Variants in ABCA13 observed in about 807,000 individuals in gnomAD.
ABCA13 encodes ATP-binding cassette sub-family A member 13.
Under a neutral mutation model 478.7 loss-of-function variants are expected in ABCA13, and 476 were observed. The ratio of observed to expected loss-of-function variants is 0.99; its 90% CI spans 0.92 to 1.07. The LOEUF is 1.07. ABCA13 is among the 50% of genes least tolerant of loss of function. ABCA13 has a pLI of 0.00. For synonymous variants in ABCA13, 2,252 were observed against 2,158.9 expected, an observed-to-expected ratio of 1.04 and a Z score of -1.20; for missense variants, 6,060 against 5,910.6, an observed-to-expected ratio of 1.03 and a Z score of -0.83.
At position 48,427,871 on chromosome 7, in the gene ABCA13, T is replaced by G. The variant is rs1563240197; in HGVS notation, c.12565T>G (p.Cys4189Gly). The change falls in exon 42 of 62, where the codon TGT (cysteine) becomes GGT (glycine). Residue 4189 changes from cysteine (C) to glycine (G), a missense_variant and splice_region_variant. By Grantham distance (159) the Cys-to-Gly change is radical. Around this residue, in one of 3 missense-constraint regions of ABCA13, gnomAD observed 1,627 missense variants for 1,571.0 expected, o/e 1.04. Transcript: ENST00000435803. Reference sequence around the variant, plus strand: ...GCCTACAGGACATCTGTCTGGCTACTGTAAGTACAGAATGGCTTCCTGCAT... The same window carrying G: ...GCCTACAGGACATCTGTCTGGCTACGGTAAGTACAGAATGGCTTCCTGCAT... The part of the protein sequence containing the change: ...HRPTGHLSGY[C>G]GSLARPATVQ... 1 of 1,587,198 alleles carries G rather than the reference T, an allele frequency of 6.3e-7. No homozygotes were observed. The highest frequency in any genetic ancestry group is 1.4e-5 in the African/African-American group (1 of 73,520).
At chr7:48,255,040 T>C (rs1030927246) in intron 15 of ABCA13, among the ~76,000 whole-genome samples, 7 of 152,150 alleles carry the variant, frequency 4.6e-5, no homozygotes, top group African/African-American at 1.7e-4. Context: ...GCCTTAAAAA[T>C]CATTAAAAAT....
At position 48,279,795 on chromosome 7, in the gene ABCA13, G is replaced by C; in HGVS notation, c.8601G>C (p.Glu2867Asp). 6.2e-7 allele frequency: 1 copy of C among 1,604,500 alleles called. No homozygotes were observed. Among genetic ancestry groups the C allele is most frequent in the Non-Finnish European group, 8.5e-7 (1 of 1,177,416 alleles). ...TGKNVTSEKE[E>D]RTKKEMIDFP... ...AGAATGTCACATCAGAAAAAGAAGAGAGAACCAAGAAAGAGATGATTGACT... is the reference window on the plus strand; with the variant it reads ...AGAATGTCACATCAGAAAAAGAAGACAGAACCAAGAAAGAGATGATTGACT... Residue 2867 changes from glutamate (E) to aspartate (D), a missense_variant, in exon 18 of 62, where the codon GAG (glutamate) becomes GAC (aspartate). Coordinates refer to ENST00000435803, the MANE Select transcript of ABCA13 (RefSeq NM_152701.5).
rs965396830 is a variant in ABCA13, at chr7:48,189,540, A to G, written c.70-3419A>G. 7.2e-5 allele frequency among the ~76,000 whole-genome samples: 11 copies of G among 152,288 alleles called. No homozygotes were observed. In the East Asian group the frequency reaches 2.1e-3, roughly 29 times the overall value. ...GATGTTGTTTTTTAGGTTTAATTGGAATTCTGTTATTATTTCAAGATGCTT... is the reference window on the plus strand; with the variant it reads ...GATGTTGTTTTTTAGGTTTAATTGGGATTCTGTTATTATTTCAAGATGCTT... On this transcript the variant is annotated intron_variant, in intron 1 of 61. Coordinates refer to ENST00000435803, the MANE Select transcript of ABCA13 (RefSeq NM_152701.5).
intron 58 of ABCA13, among the ~76,000 whole-genome samples, chr7:48,604,861 T>C (rs1791305740): frequency 6.6e-6 from 1 of 152,208 alleles, no homozygotes; most frequent in Non-Finnish European, 1.5e-5. Flanking sequence ...TGTGGGAGTA[T>C]AAATCTCTTT....
intron 7 of ABCA13, among the ~76,000 whole-genome samples, chr7:48,230,619 T>C (rs977055476): frequency 1.3e-5 from 2 of 151,996 alleles, no homozygotes; most frequent in South Asian, 2.1e-4. Context: ...ACACATCCAT[T>C]CATCCATCCA....
At chr7:48,283,473 C>T (rs190226509) in intron 19 of ABCA13, among the ~76,000 whole-genome samples, 94 of 152,118 alleles carry the variant, frequency 6.2e-4, no homozygotes, top group African/African-American at 2.1e-3. Context: ...GTGAGACTTG[C>T]GTAGTGAGGA....
chr7:48,281,291 T>C, intron 18 of ABCA13, 52 bp from the exon 19 acceptor site: 2 of 1,447,626 alleles, frequency 1.4e-6, no homozygotes. Flanking sequence ...GAGATGCACA[T>C]GGGTTGCACA....
In ABCA13 at chr7:48,273,389, A is replaced by T; in HGVS notation, c.3723A>T (p.Ala1241=). Reference sequence around the variant, plus strand: ...ATTTTTTGGTAGCTTTAGGTAATGCATTAGTTTCAGTAAAAAAACTTAACT... The same window carrying T: ...ATTTTTTGGTAGCTTTAGGTAATGCTTTAGTTTCAGTAAAAAAACTTAACT... The part of the protein sequence containing the change: ...LRDFLVALGN[A]LVSVKKLNLE... Residue 1241 remains alanine (A), a synonymous_variant, in exon 17 of 62, where the codon GCA becomes GCT. Transcript: ENST00000435803. The T allele has an allele frequency of 6.2e-7, 1 of 1,613,646 alleles. No individual in the cohort carries two copies. The highest frequency in any genetic ancestry group is 8.5e-7 in the Non-Finnish European group (1 of 1,179,718).
chr7:48,301,326 G>A lies in ABCA13; in HGVS notation c.9321+2839G>A, dbSNP rs956140167. On this transcript the variant is annotated intron_variant, in intron 23 of 61. Transcript: ENST00000435803. ...ATCTCACTTGGGGCCGGTCCTGGGG[G>A]CTGGTTCTGTCGGTTGCGACATTAA... Among the ~76,000 whole-genome samples, 8 of 152,106 alleles carry A rather than the reference G, an allele frequency of 5.3e-5. No homozygotes were observed. In the East Asian group the frequency reaches 5.8e-4, roughly 11 times the overall value.
At chr7:48,212,091 T>C (rs901850519) in intron 3 of ABCA13, among the ~76,000 whole-genome samples, 1 of 152,150 alleles carries the variant, frequency 6.6e-6, no homozygotes, top group Non-Finnish European at 1.5e-5. Context: ...TATCAGCCTG[T>C]AGTGAGGCCA....
At chr7:48,238,453 A>C (rs577618268) in intron 8 of ABCA13, among the ~76,000 whole-genome samples, 2 of 149,886 alleles carry the variant, frequency 1.3e-5, no homozygotes, top group Non-Finnish European at 3.0e-5. Context: ...TGTTACAGGA[A>C]CTCTGTTGAA....
At chr7:48,292,669 G>T (rs909709413) in intron 20 of ABCA13, among the ~76,000 whole-genome samples, 2 of 152,162 alleles carry the variant, frequency 1.3e-5, no homozygotes, top group East Asian at 1.9e-4. Flanking sequence ...TGCTGCTCCC[G>T]CACCTGCAGT....
At chr7:48,264,569 T>A (rs1305527787) in intron 15 of ABCA13, among the ~76,000 whole-genome samples, 3 of 151,872 alleles carry the variant, frequency 2.0e-5, no homozygotes, top group African/African-American at 7.2e-5. Flanking sequence ...TTCTATGTCA[T>A]CTGTATTTTT....
chr7:48,506,620 A>G (rs1451921315), intron 49 of ABCA13, among the ~76,000 whole-genome samples: 2 of 152,226 alleles, frequency 1.3e-5, no homozygotes, highest in East Asian at 3.9e-4. Context: ...TTGTCATGCA[A>G]CTGTACTTCT....
intron 43 of ABCA13, among the ~76,000 whole-genome samples, chr7:48,460,583 C>T (rs10276989): frequency 0.19 from 28,553 of 152,122 alleles, 3,102 homozygotes; most frequent in African/African-American, 0.29. Context: ...TATATCTGGA[C>T]AAACTCATTC....
chr7:48,645,421 T>G lies in ABCA13; in HGVS notation c.15086T>G (p.Phe5029Cys). ...CATTTTTATGGTTTTTTTCAGGTAT[T>G]TATTAATTTTGCTTCTGAGCAGCAG... ...SINQTTLEQV[F>C]INFASEQQQT... is the part of the protein sequence containing the mutation. The change falls in exon 62 of 62, where the codon TTT becomes TGT. Residue 5029 changes from phenylalanine (F) to cysteine (C), a missense_variant. Physicochemically the swap from Phe to Cys is radical, Grantham distance 205. This residue lies in a region of ABCA13 where 1,627 missense variants were observed against 1,571.0 expected (regional missense o/e 1.04). Transcript: ENST00000435803. 6.4e-7 allele frequency: 1 copy of G among 1,562,388 alleles called. No homozygotes were observed. The highest frequency in any genetic ancestry group is 8.7e-7 in the Non-Finnish European group (1 of 1,152,006).
rs1185322269 is a variant in ABCA13 at position 48,275,839 on chromosome 7, T to G, written c.6173T>G (p.Leu2058Arg). 1.9e-6 allele frequency: 3 copies of G among 1,613,204 alleles called. No homozygotes were observed. The highest frequency in any genetic ancestry group is 1.3e-5 in the African/African-American group (1 of 74,912). ...GAAACACCTTACAACTTTGAAGAAC[T>G]ATGGCCCAAGTTTCAACAAATCATG... ...KSETPYNFEELWPKFQQIMKD... is the reference protein window; with the variant it reads ...KSETPYNFEERWPKFQQIMKD... The change falls in exon 17 of 62, where the codon CTA becomes CGA. Residue 2058 changes from leucine to arginine, a missense_variant. By Grantham distance (102) the Leu-to-Arg change is moderately radical (BLOSUM62 -2). Transcript: ENST00000435803.
intron 29 of ABCA13, among the ~76,000 whole-genome samples, chr7:48,348,685 A>G (rs918827840): frequency 1.3e-5 from 2 of 152,174 alleles, no homozygotes; most frequent in African/African-American, 4.8e-5. Context: ...TGCCTTTTTT[A>G]TATCTTTTAT....
At chr7:48,504,307 A>G (rs950454805) in intron 48 of ABCA13, among the ~76,000 whole-genome samples, 2 of 152,074 alleles carry the variant, frequency 1.3e-5, no homozygotes, top group African/African-American at 4.8e-5. Context: ...TTCTTTCTGG[A>G]AGTTCTCTAG....
Sources: allele counts gnomAD v4.1 joint callset (sites outside exome capture counted in the v4.1 genomes callset), GRCh38; gene constraint gnomAD v4.1.1; regional missense constraint gnomAD v4.1.1; transcripts MANE v1.5; gene names NCBI Gene and HGNC (gene_info 2026-07-23, HGNC 2026-07-21).